Variants in NEGR1 observed in about 807,000 individuals in gnomAD.
NEGR1 encodes the protein IgLON family member 4.
NEGR1 carries 10 observed loss-of-function variants against 40.9 expected under a neutral mutation model. The observed-to-expected ratio is 0.24, with a 90% CI of 0.15 to 0.42. NEGR1 has a LOEUF of 0.42. NEGR1 is among the 10% of genes least tolerant of loss of function. The pLI is 1.00. For missense variants in NEGR1, 352 were observed against 438.9 expected (o/e 0.80, Z 1.77); for synonymous variants, 185 against 166.8 (o/e 1.11, Z -0.84).
intron 1 of NEGR1, among the ~76,000 whole-genome samples, chr1:72,067,798 G>C (rs1647313510): frequency 6.6e-6 from 1 of 152,074 alleles, no homozygotes; most frequent in Non-Finnish European, 1.5e-5. Flanking sequence ...GGAATAAATA[G>C]CTGGTGACCA....
intron 4 of NEGR1, among the ~76,000 whole-genome samples, chr1:71,680,948 C>T (rs1327217277): frequency 6.6e-6 from 1 of 152,160 alleles, no homozygotes; most frequent in African/African-American, 2.4e-5. Context: ...GAAACATTCC[C>T]ACAATTTCTA....
At chr1:72,275,045 TG>T in intron 1 of NEGR1, 1 of 1,480,978 alleles carries the variant, frequency 6.8e-7, no homozygotes, top group East Asian at 2.3e-5. Context: ...TTGGAGCTCT[TG>T]GAACCAACTG....
At chr1:72,157,221 T>C (rs975143162) in intron 1 of NEGR1, among the ~76,000 whole-genome samples, 7 of 152,138 alleles carry the variant, frequency 4.6e-5, no homozygotes, top group African/African-American at 1.7e-4. Context: ...TCCTCCTGCT[T>C]TGGCCTCCCA....
Position 72,139,099 on chromosome 1 carries a change from C to CAAA in NEGR1, c.176+143217_176+143219dup, listed in dbSNP as rs56186748. Among the ~76,000 whole-genome samples the CAAA allele has an allele frequency of 6.2e-3, 914 of 147,886 alleles. 8 individuals carry two copies. The highest frequency in any genetic ancestry group is 0.021 in the African/African-American group (869 of 40,672). ...ACACATATCTAAATAGCTCATGAGT[C>CAAA]AAAAAAAAAAATCAAAGGTGAATTA... On this transcript the variant is annotated intron_variant, in intron 1 of 6. Transcript: ENST00000357731.
intron 1 of NEGR1, among the ~76,000 whole-genome samples, chr1:72,206,646 C>G (rs1180190392): frequency 6.6e-6 from 1 of 151,882 alleles, no homozygotes; most frequent in Admixed American, 6.6e-5. Flanking sequence ...ATAGTCAAGA[C>G]CATTAAACAA....
At chr1:71,520,859 G>A (rs1224465770) in intron 6 of NEGR1, among the ~76,000 whole-genome samples, 1 of 152,016 alleles carries the variant, frequency 6.6e-6, no homozygotes, top group Non-Finnish European at 1.5e-5. Flanking sequence ...GAAATTACAA[G>A]TTACCCTGCT....
intron 1 of NEGR1, among the ~76,000 whole-genome samples, chr1:72,109,921 C>A (rs1045104627): frequency 3.3e-5 from 5 of 151,482 alleles, no homozygotes; most frequent in African/African-American, 1.2e-4. Context: ...TCAGTTTGTT[C>A]CCCCCATCAA....
chr1:71,439,164 T>C (rs943789394), intron 6 of NEGR1, among the ~76,000 whole-genome samples: 2 of 152,096 alleles, frequency 1.3e-5, no homozygotes, highest in African/African-American at 4.8e-5. Context: ...AATAATTGTG[T>C]TTTCCAAGCA....
chr1:71,504,763 AG>A (rs993846611), intron 6 of NEGR1, among the ~76,000 whole-genome samples: 12 of 152,160 alleles, frequency 7.9e-5, no homozygotes, highest in African/African-American at 2.4e-4. Flanking sequence ...GAGGGATTTT[AG>A]GTTCTGATAT....
At chr1:71,988,545 CAAAAAAAAAAAA>C (rs1197884975) in intron 1 of NEGR1, among the ~76,000 whole-genome samples, 1 of 39,756 alleles carries the variant, frequency 2.5e-5, no homozygotes, top group Non-Finnish European at 4.8e-5. Flanking sequence ...GACTCCGTCT[CAAAAAAAAAAAA>C]AAAAAAAAAA....
intron 3 of NEGR1, among the ~76,000 whole-genome samples, chr1:71,714,655 G>A (rs1654213861): frequency 6.6e-6 from 1 of 152,184 alleles, no homozygotes; most frequent in African/African-American, 2.4e-5. Context: ...CAATAGGGCA[G>A]TCATTAAACC....
At chr1:72,048,243 T>C (rs1569875997) in intron 1 of NEGR1, among the ~76,000 whole-genome samples, 2 of 151,670 alleles carry the variant, frequency 1.3e-5, no homozygotes, top group South Asian at 4.1e-4. Flanking sequence ...CCCATGGAAC[T>C]CTTTCTTCGT....
chr1:71,491,559 G>GA (rs1479956873), intron 6 of NEGR1, among the ~76,000 whole-genome samples: 4 of 146,240 alleles, frequency 2.7e-5, no homozygotes, highest in Non-Finnish European at 6.0e-5. Context: ...TACCTCCAAT[G>GA]ACCACCTCAG....
At chr1:71,696,075 T>C (rs1027451392) in intron 4 of NEGR1, among the ~76,000 whole-genome samples, 2 of 151,778 alleles carry the variant, frequency 1.3e-5, no homozygotes, top group Non-Finnish European at 2.9e-5. Context: ...CCTTTTGTCT[T>C]TGTCCACTGT....
intron 1 of NEGR1, among the ~76,000 whole-genome samples, chr1:72,155,136 A>G (rs1319268945): frequency 6.6e-6 from 1 of 151,962 alleles, no homozygotes; most frequent in Admixed American, 6.6e-5. Context: ...ATACATCTCA[A>G]TTACGCCTTG....
At chr1:72,011,433 C>T (rs913730584) in intron 1 of NEGR1, among the ~76,000 whole-genome samples, 1 of 151,966 alleles carries the variant, frequency 6.6e-6, no homozygotes, top group Non-Finnish European at 1.5e-5. Context: ...ATCAAACACT[C>T]TTAGATATTA....
At chr1:71,567,659 T>C (rs1422308176) in intron 6 of NEGR1, among the ~76,000 whole-genome samples, 1 of 152,182 alleles carries the variant, frequency 6.6e-6, no homozygotes, top group Non-Finnish European at 1.5e-5. Context: ...AATTGATTTC[T>C]GTATTGTTCA....
chr1:71,878,151 T>C lies in NEGR1; in HGVS notation c.409+56928A>G, dbSNP rs113741928. Among the ~76,000 whole-genome samples the C allele has an allele frequency of 2.9e-3, 444 of 152,314 alleles. 2 individuals are homozygous for C. The highest frequency in any genetic ancestry group is 0.01 in the African/African-American group (425 of 41,568). On this transcript the variant is annotated intron_variant, in intron 2 of 6. Coordinates refer to ENST00000357731, the MANE Select transcript of NEGR1 (RefSeq NM_173808.3). ...TGAGTAATCTGAAATCAATAAATAA[T>C]ATCAAATCAAATCTGGCCAATTTCA...
intron 4 of NEGR1, among the ~76,000 whole-genome samples, chr1:71,677,787 G>A (rs1570189878): frequency 6.6e-6 from 1 of 152,274 alleles, no homozygotes; most frequent in East Asian, 1.9e-4. Flanking sequence ...AGGAATGCAT[G>A]TATAACTTGC....
Sources: gnomAD v4.1 joint callset for allele counts (sites outside exome capture counted in the v4.1 genomes callset) on GRCh38, gnomAD v4.1.1 for gene constraint, MANE v1.5 for transcripts, NCBI Gene and HGNC (gene_info 2026-07-23, HGNC 2026-07-21) for gene names.